The following CACNA2D3 variants were observed in gnomAD, a reference collection of about 807,000 sequenced individuals.
CACNA2D3 encodes voltage-dependent calcium channel subunit alpha-2/delta-3.
CACNA2D3 carries 60 observed loss-of-function variants against 160.6 expected under a neutral mutation model. The observed-to-expected ratio is 0.37, with a 90% CI of 0.30 to 0.46. The LOEUF (loss-of-function observed/expected upper bound fraction) is 0.46. Among genes scored for constraint, CACNA2D3 ranks in the 20% least tolerant of loss-of-function variants. CACNA2D3 has a pLI of 1.00. For synonymous variants in CACNA2D3, 558 were observed against 492.9 expected (o/e 1.13, Z -1.75); for missense variants, 1,205 against 1,365.0 (o/e 0.88, Z 1.85).
At chr3:54,219,430 A>G (rs1197225608) in intron 2 of CACNA2D3, among the ~76,000 whole-genome samples, 1 of 152,172 alleles carries the variant, frequency 6.6e-6, no homozygotes, top group Non-Finnish European at 1.5e-5. Flanking sequence ...AGGGACTGCC[A>G]TCTCATGTTT....
At chr3:54,983,931 T>C (rs1037880015) in intron 29 of CACNA2D3, among the ~76,000 whole-genome samples, 2 of 152,168 alleles carry the variant, frequency 1.3e-5, no homozygotes, top group Admixed American at 1.3e-4. Context: ...TAAAGTAGTG[T>C]GGGGGAAGCA....
At position 54,627,821 on chromosome 3, in the gene CACNA2D3, A is replaced by G; in HGVS notation, c.998A>G (p.Lys333Arg). 1 of 1,610,938 alleles carries G rather than the reference A, an allele frequency of 6.2e-7. No homozygotes were observed. The part of the protein sequence containing the change: ...FREHLDKLFA[K>R]GIGMLDIALN... ...GAGCATCTGGACAAACTTTTCGCCA[A>G]AGGAATTGGAATGTTGGATATAGCT... Residue 333 changes from lysine (K) to arginine (R), a missense_variant, in exon 10 of 38, where the codon AAA becomes AGA. Transcript: ENST00000474759.
chr3:54,412,024 A>C (rs1314320784), intron 4 of CACNA2D3, among the ~76,000 whole-genome samples: 1 of 152,144 alleles, frequency 6.6e-6, no homozygotes, highest in African/African-American at 2.4e-5. Context: ...TTCACAGTAA[A>C]CCATTCTTGT....
chr3:54,836,299 A>C (rs541489632), intron 14 of CACNA2D3, among the ~76,000 whole-genome samples: 20 of 140,212 alleles, frequency 1.4e-4, no homozygotes, highest in Admixed American at 4.6e-4. Context: ...CAGTGGCACT[A>C]TCTCGGCCCA....
At chr3:54,988,326 G>A (rs1046078162) in intron 31 of CACNA2D3, among the ~76,000 whole-genome samples, 3 of 152,126 alleles carry the variant, frequency 2.0e-5, no homozygotes, top group Admixed American at 6.6e-5. Flanking sequence ...AAGAACTCTC[G>A]CTGATCCTGA....
intron 26 of CACNA2D3, among the ~76,000 whole-genome samples, chr3:54,898,187 TTTTCTTTTC>T (rs1700240784): frequency 7.3e-6 from 1 of 136,830 alleles, no homozygotes; most frequent in African/African-American, 2.7e-5. Context: ...TTTTCTTTTC[TTTTCTTTTC>T]CTCTCTCTCT....
At chr3:54,810,712 T>C (rs952099647) in intron 13 of CACNA2D3, among the ~76,000 whole-genome samples, 8 of 152,212 alleles carry the variant, frequency 5.3e-5, no homozygotes, top group Admixed American at 3.3e-4. Context: ...TTTTGATCAA[T>C]AGATCTTTAA....
chr3:54,328,217 A>G (rs1273268953), intron 3 of CACNA2D3, among the ~76,000 whole-genome samples: 1 of 152,052 alleles, frequency 6.6e-6, no homozygotes, highest in Non-Finnish European at 1.5e-5. Flanking sequence ...CCTCTCTAGT[A>G]TTTGACTATT....
chr3:54,169,759 T>G (rs943411960), intron 2 of CACNA2D3, among the ~76,000 whole-genome samples: 1 of 150,256 alleles, frequency 6.7e-6, no homozygotes, highest in Non-Finnish European at 1.5e-5. Flanking sequence ...GTGTGTGTGT[T>G]TGTGTGTGTG....
intron 3 of CACNA2D3, among the ~76,000 whole-genome samples, chr3:54,383,905 T>A (rs1457240608): frequency 6.6e-6 from 1 of 152,222 alleles, no homozygotes; most frequent in Non-Finnish European, 1.5e-5. Context: ...ATGGTTGAAA[T>A]ATACTTTATG....
chr3:54,640,153 C>A (rs919166848), intron 10 of CACNA2D3, among the ~76,000 whole-genome samples: 1 of 152,174 alleles, frequency 6.6e-6, no homozygotes, highest in Admixed American at 6.5e-5. Context: ...TGGGCGTGTA[C>A]GTGCATGTCA....
chr3:54,561,949 T>C (rs1375620701), intron 5 of CACNA2D3, among the ~76,000 whole-genome samples: 1 of 152,106 alleles, frequency 6.6e-6, no homozygotes, highest in African/African-American at 2.4e-5. Flanking sequence ...CAAGAGAGCA[T>C]ATGTAGGGGA....
At chr3:54,246,142 T>C (rs1702071511) in intron 2 of CACNA2D3, among the ~76,000 whole-genome samples, 2 of 152,256 alleles carry the variant, frequency 1.3e-5, no homozygotes, top group Admixed American at 1.3e-4. Context: ...TACTCTCTAG[T>C]GTATTTCTCA....
intron 2 of CACNA2D3, among the ~76,000 whole-genome samples, chr3:54,312,277 A>G (rs527448909): frequency 1.5e-4 from 23 of 152,252 alleles, no homozygotes; most frequent in African/African-American, 5.5e-4. Flanking sequence ...TCGACTCTAG[A>G]GGTGTAATTT....
At chr3:54,469,860 G>A (rs1700697852) in intron 4 of CACNA2D3, among the ~76,000 whole-genome samples, 1 of 152,016 alleles carries the variant, frequency 6.6e-6, no homozygotes, top group South Asian at 2.1e-4. Context: ...ATGAGATAAA[G>A]TGTGAAGACA....
chr3:54,141,098 C>CGCGCGCACATGCGT (rs59730153), intron 2 of CACNA2D3, among the ~76,000 whole-genome samples: 1 of 64,744 alleles, frequency 1.5e-5, no homozygotes, highest in Admixed American at 1.8e-4. Context: ...CGCGCGCGCG[C>CGCGCGCACATGCGT]GTGTGTGCAT....
intron 2 of CACNA2D3, among the ~76,000 whole-genome samples, chr3:54,281,922 T>A (rs1421312566): frequency 6.6e-6 from 1 of 152,132 alleles, no homozygotes; most frequent in Non-Finnish European, 1.5e-5. Context: ...GAGGCTTCCT[T>A]ATGTGTGTTA....
In CACNA2D3 at chr3:54,836,239, T is replaced by C. The variant is rs977159639; in HGVS notation, c.1399-920T>C. ...CTTTTTTTTTTTCTTTTTTTTTTTT[T>C]TTGTTTTTGTTTTGGGAGAGAGTCT... is the stretch of plus-strand genomic sequence containing the variant. On this transcript the variant is annotated intron_variant, in intron 14 of 37. Transcript: ENST00000474759. Among the ~76,000 whole-genome samples the C allele has an allele frequency of 3.7e-3, 516 of 139,898 alleles. 4 individuals are homozygous for C. Among genetic ancestry groups the C allele is most frequent in the African/African-American group, 0.012 (448 of 38,800 alleles). 91.8% of individuals were successfully genotyped at this position (139,898 alleles called of 152,430 possible). A position where few individuals can be genotyped will look rare whatever the true frequency, so the allele number is the denominator to read the frequency against.
chr3:54,207,472 C>G (rs1454027852), intron 2 of CACNA2D3, among the ~76,000 whole-genome samples: 1 of 140,454 alleles, frequency 7.1e-6, no homozygotes, highest in Non-Finnish European at 1.5e-5. Context: ...AGTTGAAAAT[C>G]TCTCTTGGAC....
Sources: allele counts gnomAD v4.1 joint callset (sites outside exome capture counted in the v4.1 genomes callset), GRCh38; gene constraint gnomAD v4.1.1; transcripts MANE v1.5; gene names NCBI Gene and HGNC (gene_info 2026-07-23, HGNC 2026-07-21).